The following DDX10 variants were observed in gnomAD, a reference collection of about 807,000 sequenced individuals.
DDX10 encodes probable ATP-dependent RNA helicase DDX10.
DDX10 carries 74 observed loss-of-function variants against 104.3 expected under a neutral mutation model. The observed-to-expected ratio is 0.71, with a 90% confidence interval of 0.59 to 0.86. DDX10 has a LOEUF of 0.86. Among genes scored for constraint, DDX10 ranks in the 40% least tolerant of loss-of-function variants. DDX10 has a pLI of 0.00. For synonymous variants in DDX10, 351 were observed against 353.4 expected, an observed-to-expected ratio of 0.99 and a Z score of 0.08; for missense variants, 952 against 1,040.0, an observed-to-expected ratio of 0.92 and a Z score of 1.16.
At chr11:108,705,329 C>T (rs573396447) in intron 9 of DDX10, among the ~76,000 whole-genome samples, 1 of 152,322 alleles carries the variant, frequency 6.6e-6, no homozygotes, top group South Asian at 2.1e-4. Context: ...TAGTCCAATA[C>T]TGCCTAGGGG....
At chr11:108,696,100 C>T (rs2094259484) in intron 9 of DDX10, among the ~76,000 whole-genome samples, 1 of 152,066 alleles carries the variant, frequency 6.6e-6, no homozygotes, top group South Asian at 2.1e-4. Context: ...AGAATAGTTG[C>T]CTGTTCTCCA....
chr11:108,753,596 C>T (rs544387288), intron 13 of DDX10, among the ~76,000 whole-genome samples: 1 of 152,080 alleles, frequency 6.6e-6, no homozygotes, highest in Admixed American at 6.6e-5. Flanking sequence ...TCTCTGTTCA[C>T]GAATTCCTGG....
At chr11:108,933,418 A>G (rs754756645) in intron 17 of DDX10, among the ~76,000 whole-genome samples, 2 of 152,202 alleles carry the variant, frequency 1.3e-5, no homozygotes, top group Admixed American at 6.5e-5. Context: ...GTTTGGTCAA[A>G]AGAGAGTATC....
chr11:108,923,471 A>C (rs1263182916), intron 17 of DDX10, among the ~76,000 whole-genome samples: 1 of 152,246 alleles, frequency 6.6e-6, no homozygotes, highest in Non-Finnish European at 1.5e-5. Context: ...ATTTTACTTA[A>C]GAGTTAAGAA....
At chr11:108,810,609 A>G (rs181128030) in intron 13 of DDX10, among the ~76,000 whole-genome samples, 30 of 152,286 alleles carry the variant, frequency 2.0e-4, no homozygotes, top group South Asian at 1.9e-3. Context: ...AGGTTGCTGG[A>G]TTAAATCGAC....
intron 13 of DDX10, among the ~76,000 whole-genome samples, chr11:108,799,399 C>T (rs1194383526): frequency 1.3e-5 from 2 of 152,202 alleles, no homozygotes; most frequent in Non-Finnish European, 2.9e-5. Flanking sequence ...ATCTCTCTTC[C>T]TGTGATACCA....
chr11:108,846,728 A>T (rs1275089991), intron 15 of DDX10, among the ~76,000 whole-genome samples: 1 of 152,198 alleles, frequency 6.6e-6, no homozygotes, highest in Admixed American at 6.5e-5. Flanking sequence ...TAACGTTGCA[A>T]TAAACATGAG....
Position 108,903,225 on chromosome 11 carries a change from C to T in DDX10, c.2305-14648C>T, listed in dbSNP as rs547613362. On this transcript the variant is annotated intron_variant, in intron 16 of 17. Coordinates refer to ENST00000322536, the MANE Select transcript of DDX10 (RefSeq NM_004398.4). The stretch of plus-strand genomic sequence containing the variant: ...CCTTTAGCTCCATTTAATTCCCTTT[C>T]CCCCTCATCCTTGGCAACTACTAAT... Among the ~76,000 whole-genome samples the T allele has an allele frequency of 7.9e-5, 12 of 152,252 alleles. No individual in the cohort carries two copies. In the South Asian group the frequency reaches 2.3e-3, roughly 29 times the overall value.
At chr11:108,826,414 A>C (rs1485651909) in intron 13 of DDX10, among the ~76,000 whole-genome samples, 3 of 152,176 alleles carry the variant, frequency 2.0e-5, no homozygotes, top group African/African-American at 7.2e-5. Flanking sequence ...AAAAGGCCGG[A>C]TATCACAGGC....
chr11:108,902,671 A>G (rs1591118107), intron 16 of DDX10, among the ~76,000 whole-genome samples: 2 of 152,184 alleles, frequency 1.3e-5, no homozygotes, highest in South Asian at 4.2e-4. Flanking sequence ...TCTGGCAACG[A>G]TGGGATTTGA....
Position 108,665,085 on chromosome 11 carries a change from G to C in DDX10, c.-69G>C. 1 of 1,481,068 alleles carries C rather than the reference G, an allele frequency of 6.8e-7. No homozygotes were observed. The highest frequency in any genetic ancestry group is 8.9e-7 in the Non-Finnish European group (1 of 1,119,876). 91.7% of individuals were successfully genotyped at this position (1,481,068 alleles called of 1,614,324 possible). On this transcript the variant is annotated 5_prime_UTR_variant, in exon 1 of 18. Transcript: ENST00000322536. Reference sequence around the variant, plus strand: ...CGCCTCTGTGCGTTTGTCCCATGCTGGTTCCGTGAGTCTGGCCTTAGGTGT... The same window carrying C: ...CGCCTCTGTGCGTTTGTCCCATGCTCGTTCCGTGAGTCTGGCCTTAGGTGT...
intron 17 of DDX10, among the ~76,000 whole-genome samples, chr11:108,932,448 C>T (rs1263187447): frequency 6.6e-6 from 1 of 151,914 alleles, no homozygotes; most frequent in Admixed American, 6.6e-5. Flanking sequence ...GCAAGACCCC[C>T]ATCTCTAAAA....
chr11:108,814,661 C>A (rs1159127156), intron 13 of DDX10, among the ~76,000 whole-genome samples: 1 of 152,044 alleles, frequency 6.6e-6, no homozygotes, highest in Middle Eastern at 3.2e-3. Flanking sequence ...CAAAAAAAAA[C>A]CTCTCAAACT....
intron 13 of DDX10, chr11:108,729,790 C>G (rs929210172): frequency 5.9e-5 from 9 of 152,154 alleles, no homozygotes; most frequent in Admixed American, 2.6e-4. Context: ...GAGACCCTGT[C>G]TCTAAAACAA....
At chr11:108,667,813 CT>C (rs1479984178) in intron 1 of DDX10, among the ~76,000 whole-genome samples, 1 of 152,216 alleles carries the variant, frequency 6.6e-6, no homozygotes, top group African/African-American at 2.4e-5. Flanking sequence ...ATCACCTCCC[CT>C]GACCGAGTTA....
intron 15 of DDX10, among the ~76,000 whole-genome samples, chr11:108,842,825 C>G (rs576507799): frequency 6.6e-6 from 1 of 152,192 alleles, no homozygotes; most frequent in African/African-American, 2.4e-5. Context: ...AGTATTTATC[C>G]AGGGGACAAC....
rs536571524 is a variant in DDX10, at chr11:108,848,427, G to A, written c.2248-3726G>A. Among the ~76,000 whole-genome samples the A allele has an allele frequency of 7.2e-5, 11 of 152,260 alleles. No individual in the cohort carries two copies. The South Asian group carries it at 2.3e-3, about 32-fold the overall frequency. On this transcript the variant is annotated intron_variant, in intron 15 of 17. Transcript: ENST00000322536. ...TTCTGAAATGGATGTTGTGAATGAAGCTTATTTATATGAGAGGATAAAAGA... is the reference window on the plus strand; with the variant it reads ...TTCTGAAATGGATGTTGTGAATGAAACTTATTTATATGAGAGGATAAAAGA...
intron 16 of DDX10, 47 bp from the exon 17 acceptor site, chr11:108,917,826 A>T (rs1325579147): frequency 1.9e-6 from 3 of 1,594,272 alleles, no homozygotes; most frequent in Non-Finnish European, 2.6e-6. Flanking sequence ...CTGATTATTT[A>T]TCAACTGACT....
chr11:108,727,052 A>T (rs1156970479), intron 13 of DDX10, among the ~76,000 whole-genome samples: 1 of 151,968 alleles, frequency 6.6e-6, no homozygotes, highest in East Asian at 1.9e-4. Flanking sequence ...AGATTTCTTT[A>T]TATTTATATT....
Sources: allele counts gnomAD v4.1 joint callset (sites outside exome capture counted in the v4.1 genomes callset), GRCh38; gene constraint gnomAD v4.1.1; transcripts MANE v1.5; gene names NCBI Gene and HGNC (gene_info 2026-07-23, HGNC 2026-07-21).